The following IL17RD variants were observed in gnomAD, a reference collection of about 807,000 sequenced individuals.
IL17RD encodes the protein interleukin 17 receptor D.
In IL17RD, 52 loss-of-function variants were observed where a neutral mutation model predicts 80.5. That is an observed-to-expected ratio of 0.65 (90% CI 0.52 to 0.81). The LOEUF (loss-of-function observed/expected upper bound fraction) is 0.81. Among genes scored for constraint, IL17RD ranks in the 40% least tolerant of loss-of-function variants. The probability of loss-of-function intolerance (pLI) is 0.00; values close to 1 mark genes in which losing one functional copy is unlikely to be tolerated. For synonymous variants in IL17RD, 416 were observed against 391.8 expected (o/e 1.06, Z -0.73); for missense variants, 1,024 against 955.1 (o/e 1.07, Z -0.95).
At chr3:57,143,842 T>C (rs1270263779) in intron 1 of IL17RD, among the ~76,000 whole-genome samples, 1 of 152,140 alleles carries the variant, frequency 6.6e-6, no homozygotes, top group Non-Finnish European at 1.5e-5. Flanking sequence ...CTTCTGGAAG[T>C]GGTCAGCTTC....
At chr3:57,111,570 AG>A (rs1306759441) in intron 3 of IL17RD, among the ~76,000 whole-genome samples, 6 of 152,336 alleles carry the variant, frequency 3.9e-5, no homozygotes, top group African/African-American at 1.4e-4. Context: ...ACAAATCCTT[AG>A]TATTAATACT....
intron 2 of IL17RD, among the ~76,000 whole-genome samples, chr3:57,116,290 T>C (rs1707214865): frequency 6.7e-6 from 1 of 149,518 alleles, no homozygotes; most frequent in East Asian, 1.9e-4. Context: ...TTCTTTTTTT[T>C]TTTTTTTTTT....
At chr3:57,135,702 G>A (rs1211596705) in intron 1 of IL17RD, among the ~76,000 whole-genome samples, 1 of 152,086 alleles carries the variant, frequency 6.6e-6, no homozygotes, top group Non-Finnish European at 1.5e-5. Context: ...GATCTATGGA[G>A]GAAATAACAA....
intron 1 of IL17RD, among the ~76,000 whole-genome samples, chr3:57,135,768 T>C (rs1325894444): frequency 1.3e-5 from 2 of 152,192 alleles, no homozygotes; most frequent in African/African-American, 4.8e-5. Context: ...CTAAGGGTCT[T>C]ATCAACTGTC....
Position 57,096,465 on chromosome 3 carries a change from A to C in IL17RD, c.2148T>G (p.Ser716=). The C allele has an allele frequency of 6.2e-7, 1 of 1,613,970 alleles. No homozygotes were observed. Among genetic ancestry groups the C allele is most frequent in the Non-Finnish European group, 8.5e-7 (1 of 1,179,834 alleles). ...EPPALPSKLL[S]SGSCKADLGC... is the part of the protein sequence containing the mutation. ...CAAGATCTGCTTTGCATGACCCAGA[A>C]GAGAGGAGCTTGGAAGGAAGGGCAG... The change falls in exon 13 of 13, where the codon TCT becomes TCG. Residue 716 remains serine (S), a synonymous_variant. Transcript: ENST00000296318.
intron 1 of IL17RD, among the ~76,000 whole-genome samples, chr3:57,137,720 T>C (rs1707755964): frequency 6.6e-6 from 1 of 152,158 alleles, no homozygotes; most frequent in Non-Finnish European, 1.5e-5. Flanking sequence ...AATTTTCACT[T>C]CTCTTCCCTC....
chr3:57,134,438 T>G, intron 1 of IL17RD: 1 of 781,828 alleles, frequency 1.3e-6, no homozygotes, highest in Non-Finnish European at 2.3e-6. Flanking sequence ...GAATGCGGAT[T>G]CTGTGCTGGC....
intron 1 of IL17RD, among the ~76,000 whole-genome samples, chr3:57,127,273 AAAATATATATAAATATATAT>A (rs1374632677): frequency 3.7e-5 from 3 of 81,378 alleles, no homozygotes; most frequent in South Asian, 3.5e-4. Context: ...AATATATATA[AAAATATATATAAATATATAT>A]AAATATATAT....
chr3:57,098,224 G>C lies in IL17RD; in HGVS notation c.1479C>G (p.Asp493Glu), dbSNP rs754681941. ...SCEGDVPGIL[D>E]LSTKYRLMDN... is the part of the protein sequence containing the mutation. Reference sequence around the variant, plus strand: ...CCATGAGTCTGTACTTGGTACTCAGGTCTAGGATACCGGGGACGTCTCCCT... The same window carrying C: ...CCATGAGTCTGTACTTGGTACTCAGCTCTAGGATACCGGGGACGTCTCCCT... Residue 493 changes from aspartate (D) to glutamate (E), a missense_variant, in exon 12 of 13, where the codon GAC (aspartate) becomes GAG (glutamate). Physicochemically the swap from Asp to Glu is conservative, Grantham distance 45 (BLOSUM62 2). Coordinates refer to ENST00000296318, the MANE Select transcript of IL17RD (RefSeq NM_017563.5). 1.5e-5 allele frequency: 24 copies of C among 1,613,918 alleles called. No homozygotes were observed. The highest frequency in any genetic ancestry group is 2.0e-5 in the Non-Finnish European group (24 of 1,179,858).
chr3:57,148,431 A>C (rs1218928278), intron 1 of IL17RD, among the ~76,000 whole-genome samples: 4 of 152,218 alleles, frequency 2.6e-5, no homozygotes, highest in African/African-American at 9.6e-5. Flanking sequence ...AATCAGATTA[A>C]CAAAACCTCC....
At chr3:57,122,645 G>A (rs1707365757) in intron 1 of IL17RD, among the ~76,000 whole-genome samples, 1 of 151,854 alleles carries the variant, frequency 6.6e-6, no homozygotes, top group Admixed American at 6.6e-5. Context: ...ACCCCCCAGT[G>A]CATGGAAAAA....
chr3:57,098,586 G>T, intron 11 of IL17RD, 48 bp from the exon 12 acceptor site: 1 of 1,293,068 alleles, frequency 7.7e-7, no homozygotes, highest in Non-Finnish European at 1.1e-6. Flanking sequence ...CTCGGGAAGA[G>T]GCTCGGGAAG....
chr3:57,110,128 A>G, intron 4 of IL17RD, 65 bp downstream of exon 4: 5 of 1,539,246 alleles, frequency 3.2e-6, no homozygotes, highest in Non-Finnish European at 4.4e-6. Context: ...CAGACTTTGA[A>G]TACACTATTC....
chr3:57,127,369 T>TAAAA (rs1707510754), intron 1 of IL17RD, among the ~76,000 whole-genome samples: 10 of 85,960 alleles, frequency 1.2e-4, no homozygotes, highest in Admixed American at 3.3e-4. Context: ...AATATAAATA[T>TAAAA]ATATATATAA....
At position 57,125,434 on chromosome 3, in the gene IL17RD, A is replaced by G. The variant is rs148457334; in HGVS notation, c.127-5121T>C. 9.1e-4 allele frequency among the ~76,000 whole-genome samples: 138 copies of G among 152,272 alleles called. 2 individuals are homozygous for G. In the East Asian group the frequency reaches 0.024, roughly 26 times the overall value. ...AAAGAAAAAAAAAAAGTGTTTGAATAAAACTTTGTGGAAAGCATTGTGTGA... is the reference window on the plus strand; with the variant it reads ...AAAGAAAAAAAAAAAGTGTTTGAATGAAACTTTGTGGAAAGCATTGTGTGA... On this transcript the variant is annotated intron_variant, in intron 1 of 12. Transcript: ENST00000296318.
intron 1 of IL17RD, among the ~76,000 whole-genome samples, chr3:57,124,459 T>C (rs1223208934): frequency 2.0e-5 from 3 of 152,044 alleles, no homozygotes; most frequent in East Asian, 1.9e-4. Flanking sequence ...ATCAAAGACA[T>C]GTGACAATGC....
At chr3:57,126,343 C>G (rs1013401358) in intron 1 of IL17RD, among the ~76,000 whole-genome samples, 3 of 152,138 alleles carry the variant, frequency 2.0e-5, no homozygotes, top group Non-Finnish European at 4.4e-5. Flanking sequence ...GGGACGGAAG[C>G]AGCAAATGGC....
intron 8 of IL17RD, 68 bp downstream of exon 8, chr3:57,104,274 C>A: frequency 9.4e-7 from 1 of 1,066,550 alleles, no homozygotes; most frequent in Non-Finnish European, 1.4e-6. Flanking sequence ...GTGTTGTAAA[C>A]AGTTGGAATT....
At chr3:57,125,806 T>C (rs917547395) in intron 1 of IL17RD, among the ~76,000 whole-genome samples, 1 of 152,136 alleles carries the variant, frequency 6.6e-6, no homozygotes, top group African/African-American at 2.4e-5. Flanking sequence ...TAGGTTGGAT[T>C]GGAAAAGGAG....
Sources: gnomAD v4.1 joint callset for allele counts (sites outside exome capture counted in the v4.1 genomes callset) on GRCh38, gnomAD v4.1.1 for gene constraint, MANE v1.5 for transcripts, NCBI Gene and HGNC (gene_info 2026-07-23, HGNC 2026-07-21) for gene names.